Variants in KIAA1217 observed in about 807,000 individuals in gnomAD.
KIAA1217 encodes the protein KIAA1217.
KIAA1217 carries 88 observed loss-of-function variants against 163.9 expected under a neutral mutation model. The observed-to-expected ratio is 0.54, with a 90% CI of 0.45 to 0.64. KIAA1217 has a LOEUF of 0.64. Ranked by LOEUF, KIAA1217 falls within the 30% of genes least tolerant of loss-of-function variation. The pLI is 0.00. For synonymous variants in KIAA1217, 903 were observed against 923.1 expected, an observed-to-expected ratio of 0.98 and a Z score of 0.39; for missense variants, 2,372 against 2,475.0, an observed-to-expected ratio of 0.96 and a Z score of 0.88.
At chr10:24,188,670 G>A (rs964350864) in intron 2 of KIAA1217, among the ~76,000 whole-genome samples, 1 of 151,970 alleles carries the variant, frequency 6.6e-6, no homozygotes, top group Non-Finnish European at 1.5e-5. Context: ...GGGCCTTAAA[G>A]AATCAAGTGT....
intron 1 of KIAA1217, among the ~76,000 whole-genome samples, chr10:23,754,337 CT>C: frequency 6.6e-6 from 1 of 152,308 alleles, no homozygotes; most frequent in South Asian, 2.1e-4. Context: ...CATCTCTGTC[CT>C]AAAAGCAATC....
At chr10:23,833,265 T>G (rs1838295049) in intron 1 of KIAA1217, among the ~76,000 whole-genome samples, 1 of 152,110 alleles carries the variant, frequency 6.6e-6, no homozygotes, top group African/African-American at 2.4e-5. Context: ...TGTTATTCAT[T>G]GAGGACAGTT....
At chr10:24,272,649 C>A (rs1306367965) in intron 2 of KIAA1217, among the ~76,000 whole-genome samples, 1 of 152,194 alleles carries the variant, frequency 6.6e-6, no homozygotes, top group Non-Finnish European at 1.5e-5. Context: ...TTCAAATAGT[C>A]ATGGATTTAT....
chr10:24,195,002 G>A (rs1004710842), intron 2 of KIAA1217, among the ~76,000 whole-genome samples: 5 of 152,026 alleles, frequency 3.3e-5, no homozygotes, highest in African/African-American at 1.2e-4. Context: ...AAGTGCTGGA[G>A]GCCAAGAGGA....
chr10:23,796,289 C>G (rs189086308), intron 1 of KIAA1217, among the ~76,000 whole-genome samples: 91 of 152,220 alleles, frequency 6.0e-4, no homozygotes, highest in African/African-American at 2.1e-3. Context: ...GTCAGTTTCC[C>G]CATTTGTAAA....
intron 1 of KIAA1217, among the ~76,000 whole-genome samples, chr10:23,983,216 C>T (rs73604441): frequency 2.6e-5 from 4 of 152,202 alleles, no homozygotes; most frequent in African/African-American, 4.8e-5. Context: ...GCATATTCAG[C>T]TTGCTTTACT....
intron 1 of KIAA1217, among the ~76,000 whole-genome samples, chr10:23,848,382 T>A (rs1157821610): frequency 6.6e-6 from 1 of 152,054 alleles, no homozygotes; most frequent in East Asian, 1.9e-4. Flanking sequence ...ATTTGTATTA[T>A]GAGTGTTCAT....
At chr10:24,523,900 C>G (rs1223139810) in intron 12 of KIAA1217, among the ~76,000 whole-genome samples, 1 of 152,080 alleles carries the variant, frequency 6.6e-6, no homozygotes, top group Admixed American at 6.5e-5. Flanking sequence ...TTCGTTGAAT[C>G]CAGGTGGGGA....
chr10:24,252,993 TAATTA>T (rs2074730681), intron 2 of KIAA1217, among the ~76,000 whole-genome samples: 1 of 74,056 alleles, frequency 1.4e-5, no homozygotes, highest in Admixed American at 1.8e-4. Flanking sequence ...CCTCTACAAA[TAATTA>T]AAAAAAAAAA....
intron 1 of KIAA1217, among the ~76,000 whole-genome samples, chr10:23,830,603 G>C (rs2131037718): frequency 6.6e-6 from 1 of 151,708 alleles, no homozygotes; most frequent in Non-Finnish European, 1.5e-5. Flanking sequence ...GAAAGAGAGA[G>C]AGAAAGGGAG....
At position 24,221,266 on chromosome 10, in the gene KIAA1217, T is replaced by A. The variant is rs977054005; in HGVS notation, c.354+1357T>A. 6.6e-5 allele frequency among the ~76,000 whole-genome samples: 10 copies of A among 151,182 alleles called. 1 individual carries two copies. The Admixed American group carries it at 6.6e-4, about 10-fold the overall frequency. On this transcript the variant is annotated intron_variant, in intron 2 of 20. Transcript: ENST00000376454. ...TTGGGGTCACAGGAGATTTGAGGCC[T>A]CCTCTACCGACCTCACTGGCGAGTT...
intron 1 of KIAA1217, among the ~76,000 whole-genome samples, chr10:24,001,698 G>A (rs534279114): frequency 6.6e-6 from 1 of 152,126 alleles, no homozygotes; most frequent in Non-Finnish European, 1.5e-5. Flanking sequence ...GTATGAAGGC[G>A]GTGTTTGCAC....
At chr10:23,844,676 C>T (rs1838936198) in intron 1 of KIAA1217, among the ~76,000 whole-genome samples, 1 of 151,938 alleles carries the variant, frequency 6.6e-6, no homozygotes, top group African/African-American at 2.4e-5. Context: ...TGGAGTCCCT[C>T]AAGGCTTGGT....
At chr10:23,824,403 G>A (rs1020130664) in intron 1 of KIAA1217, among the ~76,000 whole-genome samples, 2 of 151,610 alleles carry the variant, frequency 1.3e-5, no homozygotes, top group Non-Finnish European at 2.9e-5. Flanking sequence ...GTCGAGGTGG[G>A]CAGACGATGA....
intron 2 of KIAA1217, among the ~76,000 whole-genome samples, chr10:24,369,092 T>C (rs960328496): frequency 6.6e-6 from 1 of 152,126 alleles, no homozygotes; most frequent in African/African-American, 2.4e-5. Context: ...CTTCTGTCCA[T>C]CTCTTCAAAC....
At chr10:24,072,441 T>C (rs2061220287) in intron 2 of KIAA1217, among the ~76,000 whole-genome samples, 1 of 152,076 alleles carries the variant, frequency 6.6e-6, no homozygotes, top group Non-Finnish European at 1.5e-5. Context: ...GAAGAAGAAA[T>C]AAATAAGTTT....
intron 1 of KIAA1217, among the ~76,000 whole-genome samples, chr10:23,757,295 A>G (rs535771718): frequency 2.8e-4 from 42 of 152,262 alleles, no homozygotes; most frequent in African/African-American, 7.5e-4. Context: ...AGGAACCACC[A>G]TAGTGTTTTC....
chr10:24,461,878 C>T (rs957666806), intron 5 of KIAA1217, among the ~76,000 whole-genome samples: 1 of 152,090 alleles, frequency 6.6e-6, no homozygotes, highest in Admixed American at 6.6e-5. Flanking sequence ...GCGATGGAGA[C>T]CCTGTGCCTC....
At chr10:23,873,138 T>C (rs1214853493) in intron 1 of KIAA1217, among the ~76,000 whole-genome samples, 3 of 152,036 alleles carry the variant, frequency 2.0e-5, no homozygotes, top group Non-Finnish European at 4.4e-5. Context: ...ATCAACACAG[T>C]GTAAGGACAA....
Sources: gnomAD v4.1 joint callset for allele counts (sites outside exome capture counted in the v4.1 genomes callset) on GRCh38, gnomAD v4.1.1 for gene constraint, MANE v1.5 for transcripts, NCBI Gene and HGNC (gene_info 2026-07-23, HGNC 2026-07-21) for gene names.